SLC25A48: variants seen among roughly 807,000 people sequenced by gnomAD.
SLC25A48 encodes the protein CTC-321K16.1.
In SLC25A48, 29 loss-of-function variants were observed where a neutral mutation model predicts 32.2. That is an observed-to-expected ratio of 0.90 (90% CI 0.67 to 1.23). The LOEUF is 1.23. Among genes scored for constraint, SLC25A48 ranks in the 50% most tolerant of loss-of-function variants. The pLI, the probability that SLC25A48 is intolerant of heterozygous loss-of-function variation, is 0.00. For synonymous variants in SLC25A48, 164 were observed against 172.3 expected (o/e 0.95, Z 0.38); for missense variants, 399 against 422.7 (o/e 0.94, Z 0.49).
intron 3 of SLC25A48, among the ~76,000 whole-genome samples, chr5:135,683,919 A>G (rs1192888562): frequency 6.6e-6 from 1 of 152,120 alleles, no homozygotes; most frequent in Non-Finnish European, 1.5e-5. Context: ...CAGTGTCAGC[A>G]GGCCATGTGG....
At chr5:135,771,512 G>A (rs1052500136) in intron 3 of SLC25A48, among the ~76,000 whole-genome samples, 4 of 151,692 alleles carry the variant, frequency 2.6e-5, no homozygotes, top group Admixed American at 2.6e-4. Flanking sequence ...TATCCAGGAA[G>A]TGGGGAGACG....
At chr5:135,859,442 T>A (rs1337866680) in intron 4 of SLC25A48, among the ~76,000 whole-genome samples, 1 of 152,178 alleles carries the variant, frequency 6.6e-6, no homozygotes, top group Non-Finnish European at 1.5e-5. Flanking sequence ...ACATGGGGAT[T>A]ATGGGAGCTA....
chr5:135,790,401 T>C (rs1377112226), intron 3 of SLC25A48, among the ~76,000 whole-genome samples: 1 of 152,026 alleles, frequency 6.6e-6, no homozygotes, highest in Admixed American at 6.6e-5. Flanking sequence ...TCCTAGAAGT[T>C]GTTACTCTTA....
chr5:135,786,733 A>C (rs1756858052), intron 3 of SLC25A48, among the ~76,000 whole-genome samples: 1 of 151,320 alleles, frequency 6.6e-6, no homozygotes, highest in South Asian at 2.1e-4. Context: ...TCCTGGCGAG[A>C]TGTTATATTT....
At chr5:135,631,370 T>C (rs1359823685) in intron 2 of SLC25A48, among the ~76,000 whole-genome samples, 1 of 152,246 alleles carries the variant, frequency 6.6e-6, no homozygotes, top group African/African-American at 2.4e-5. Context: ...CAGGTTATGC[T>C]CTAACTTTTG....
chr5:135,722,883 T>A (rs1326673764), intron 3 of SLC25A48, among the ~76,000 whole-genome samples: 1 of 152,264 alleles, frequency 6.6e-6, no homozygotes, highest in Non-Finnish European at 1.5e-5. Context: ...TCATCTCATT[T>A]AGCTTTTCCC....
chr5:135,671,346 G>C (rs1753649071), intron 3 of SLC25A48, among the ~76,000 whole-genome samples: 1 of 152,206 alleles, frequency 6.6e-6, no homozygotes, highest in African/African-American at 2.4e-5. Flanking sequence ...GCTGGCCATG[G>C]TGCCCTTGGC....
intron 3 of SLC25A48, among the ~76,000 whole-genome samples, chr5:135,781,942 AATG>A (rs559582383): frequency 7.9e-5 from 9 of 113,972 alleles, no homozygotes; most frequent in African/African-American, 2.4e-4. Flanking sequence ...GGTGGAGGAG[AATG>A]ATAATACTCC....
rs112273785 is a variant in SLC25A48 at position 135,694,044 on chromosome 5, G to A, written c.-521+59088G>A. Among the ~76,000 whole-genome samples, 315 of 152,302 alleles carry A rather than the reference G, an allele frequency of 2.1e-3. 2 individuals are homozygous for A. The highest frequency in any genetic ancestry group is 7.0e-3 in the South Asian group (34 of 4,826). ...AGGGTGTGCCTGGTGAGCTCTAGGCGCTGAGCCCACCTTTTCCACCCTGCC... is the reference window on the plus strand; with the variant it reads ...AGGGTGTGCCTGGTGAGCTCTAGGCACTGAGCCCACCTTTTCCACCCTGCC... On this transcript the variant is annotated intron_variant, in intron 3 of 10. Coordinates refer to the SLC25A48 transcript ENST00000646290.
chr5:135,697,292 CAA>C (rs879570741), intron 3 of SLC25A48, among the ~76,000 whole-genome samples: 78,252 of 151,740 alleles, frequency 0.52, 21,101 homozygotes, highest in South Asian at 0.61. Context: ...AGGAGAGAGG[CAA>C]CACAGAGGCT....
intron 1 of SLC25A48, among the ~76,000 whole-genome samples, chr5:135,580,761 G>A (rs1002279773): frequency 3.3e-5 from 5 of 152,056 alleles, no homozygotes; most frequent in Admixed American, 6.6e-5. Flanking sequence ...ACATTTTCAC[G>A]CAAGTAAAAT....
At chr5:135,759,700 C>T (rs1037541927) in intron 3 of SLC25A48, among the ~76,000 whole-genome samples, 1 of 152,188 alleles carries the variant, frequency 6.6e-6, no homozygotes, top group Non-Finnish European at 1.5e-5. Flanking sequence ...TCCTTTGAAT[C>T]TAGTACTCTC....
intron 2 of SLC25A48, among the ~76,000 whole-genome samples, chr5:135,844,722 T>C (rs1759274492): frequency 6.6e-6 from 1 of 152,236 alleles, no homozygotes; most frequent in African/African-American, 2.4e-5. Context: ...CATGTGACAA[T>C]GTCCAGCAAG....
intron 3 of SLC25A48, among the ~76,000 whole-genome samples, chr5:135,789,196 A>AC (rs372761797): frequency 0.019 from 1,358 of 70,010 alleles, 38 homozygotes; most frequent in African/African-American, 0.044. Flanking sequence ...GTGGGTGTAC[A>AC]CCCTCCCCCG....
At chr5:135,685,895 C>T (rs1262366258) in intron 3 of SLC25A48, among the ~76,000 whole-genome samples, 2 of 152,206 alleles carry the variant, frequency 1.3e-5, no homozygotes, top group Admixed American at 6.5e-5. Context: ...CTGCAGATTC[C>T]CTGGGGATTT....
rs1756348417 is a variant in SLC25A48, at chr5:135,769,630, C to T, written c.-520-42893C>T. ...CCCCCTGTGATATTGTTCATAATAT[C>T]CAGTTGGGTAGAGGATGATATTACT... On this transcript the variant is annotated intron_variant, in intron 3 of 10. Coordinates refer to the SLC25A48 transcript ENST00000646290. 2.0e-5 allele frequency among the ~76,000 whole-genome samples: 3 copies of T among 151,390 alleles called. No homozygotes were observed. The South Asian group carries it at 6.3e-4, about 32-fold the overall frequency.
chr5:135,801,920 A>G (rs1297974714), intron 3 of SLC25A48, among the ~76,000 whole-genome samples: 2 of 151,690 alleles, frequency 1.3e-5, no homozygotes, highest in African/African-American at 4.8e-5. Flanking sequence ...TTTTCATAAT[A>G]TTTAGGGAAA....
chr5:135,634,607 T>G (rs1337663686), intron 2 of SLC25A48, among the ~76,000 whole-genome samples: 1 of 152,120 alleles, frequency 6.6e-6, no homozygotes, highest in South Asian at 2.1e-4. Flanking sequence ...GGGAAAGCAG[T>G]GATTTGGGGT....
At chr5:135,818,756 A>T (rs1368325772) in intron 4 of SLC25A48, among the ~76,000 whole-genome samples, 1 of 152,212 alleles carries the variant, frequency 6.6e-6, no homozygotes. Flanking sequence ...TGTCAACCCC[A>T]AGGTGGGCCA....
Sources: gnomAD v4.1 joint callset for allele counts (sites outside exome capture counted in the v4.1 genomes callset) on GRCh38, gnomAD v4.1.1 for gene constraint, MANE v1.5 for transcripts, NCBI Gene and HGNC (gene_info 2026-07-23, HGNC 2026-07-21) for gene names.